The following ADAMTS17 variants were observed in gnomAD, a reference collection of about 807,000 sequenced individuals.
ADAMTS17 encodes the protein ADAM metallopeptidase with thrombospondin type 1 motif 17.
ADAMTS17 carries 113 observed loss-of-function variants against 141.5 expected under a neutral mutation model. The observed-to-expected ratio is 0.80, with a 90% CI of 0.69 to 0.93. The LOEUF (loss-of-function observed/expected upper bound fraction) is 0.93, where lower values mean the gene tolerates loss of function less well. Ranked by LOEUF, ADAMTS17 falls within the 40% of genes least tolerant of loss-of-function variation. The pLI, the probability that ADAMTS17 is intolerant of heterozygous loss-of-function variation, is 0.00. For synonymous variants in ADAMTS17, 768 were observed against 630.6 expected (o/e 1.22, Z -3.27); for missense variants, 1,659 against 1,517.9 (o/e 1.09, Z -1.54).
intron 10 of ADAMTS17, among the ~76,000 whole-genome samples, chr15:100,152,034 T>C (rs2039191516): frequency 6.6e-6 from 1 of 152,200 alleles, no homozygotes; most frequent in South Asian, 2.1e-4. Flanking sequence ...TCGGGAGCCA[T>C]GGTGAAGACT....
At chr15:100,297,011 G>C (rs552611942) in intron 3 of ADAMTS17, among the ~76,000 whole-genome samples, 1 of 152,224 alleles carries the variant, frequency 6.6e-6, no homozygotes, top group South Asian at 2.1e-4. Flanking sequence ...AATGCTATGA[G>C]AAAATATAAG....
chr15:100,268,970 A>G (rs1359389718), intron 4 of ADAMTS17, among the ~76,000 whole-genome samples: 1 of 67,086 alleles, frequency 1.5e-5, no homozygotes, highest in African/African-American at 5.5e-5. Flanking sequence ...CCCAGAAATA[A>G]TGCCACATCA....
chr15:100,290,510 C>A (rs2044593198), intron 3 of ADAMTS17, among the ~76,000 whole-genome samples: 1 of 152,046 alleles, frequency 6.6e-6, no homozygotes, highest in African/African-American at 2.4e-5. Flanking sequence ...AAAAACTATT[C>A]TAAAATTCAT....
intron 8 of ADAMTS17, among the ~76,000 whole-genome samples, chr15:100,162,878 GTA>G (rs534350499): frequency 3.1e-4 from 44 of 142,628 alleles, no homozygotes; most frequent in African/African-American, 6.4e-4. Context: ...ATAACTATAT[GTA>G]TATATATGTG....
chr15:100,287,170 C>T (rs1191301165), intron 3 of ADAMTS17, among the ~76,000 whole-genome samples: 1 of 152,132 alleles, frequency 6.6e-6, no homozygotes, highest in Non-Finnish European at 1.5e-5. Flanking sequence ...CCTGGTGACA[C>T]AGCAAGACTC....
rs146655573 is a variant in ADAMTS17 at position 100,228,530 on chromosome 15, A to T, written c.1075+25606T>A. ...CTGAAAGAGGGACTGGACCGAGGAGAAAAGGAAAACTCGAGGGTGAGAGTG... is the reference window on the plus strand; with the variant it reads ...CTGAAAGAGGGACTGGACCGAGGAGTAAAGGAAAACTCGAGGGTGAGAGTG... On this transcript the variant is annotated intron_variant, in intron 7 of 21. Transcript: ENST00000268070. Among the ~76,000 whole-genome samples, 1,078 of 152,272 alleles carry T rather than the reference A, an allele frequency of 7.1e-3. 10 individuals carry two copies. Among genetic ancestry groups the T allele is most frequent in the South Asian group, 0.031 (150 of 4,824 alleles).
At chr15:100,113,771 G>T (rs555266295) in intron 13 of ADAMTS17, among the ~76,000 whole-genome samples, 7 of 152,286 alleles carry the variant, frequency 4.6e-5, no homozygotes, top group African/African-American at 1.2e-4. Context: ...CGGAGCTGTC[G>T]TCAGAGAGTC....
intron 7 of ADAMTS17, among the ~76,000 whole-genome samples, chr15:100,213,547 CTG>C (rs1425650855): frequency 3.3e-5 from 5 of 152,306 alleles, no homozygotes; most frequent in African/African-American, 1.2e-4. Context: ...CAGAAAAGAG[CTG>C]TGTTATTTTC....
At chr15:100,231,366 A>G (rs1415722200) in intron 7 of ADAMTS17, among the ~76,000 whole-genome samples, 4 of 152,212 alleles carry the variant, frequency 2.6e-5, no homozygotes, top group African/African-American at 7.2e-5. Context: ...TCATTTCATT[A>G]AAGACAATTC....
chr15:100,071,114 C>G (rs576993036), intron 15 of ADAMTS17, among the ~76,000 whole-genome samples: 1 of 150,510 alleles, frequency 6.6e-6, no homozygotes, highest in East Asian at 1.9e-4. Flanking sequence ...CCATAAACAC[C>G]TCTATGCAAA....
intron 18 of ADAMTS17, among the ~76,000 whole-genome samples, chr15:100,019,563 T>C (rs990422): frequency 0.78 from 118,591 of 152,210 alleles, 46,964 homozygotes; most frequent in African/African-American, 0.9. Context: ...CAACTGAACA[T>C]GTGCTACCCG....
chr15:99,994,659 C>T (rs1488139876), intron 19 of ADAMTS17, among the ~76,000 whole-genome samples: 5 of 152,164 alleles, frequency 3.3e-5, no homozygotes, highest in African/African-American at 9.7e-5. Flanking sequence ...CTCCGCCTCC[C>T]GGGTTCAAGC....
intron 12 of ADAMTS17, chr15:100,128,426 C>G (rs1334234875): frequency 6.6e-6 from 1 of 152,172 alleles, no homozygotes; most frequent in Non-Finnish European, 1.5e-5. Context: ...GACGATGCTG[C>G]TGGACAACAG....
intron 7 of ADAMTS17, among the ~76,000 whole-genome samples, chr15:100,252,841 C>G (rs748214401): frequency 1.3e-5 from 2 of 152,184 alleles, no homozygotes; most frequent in Admixed American, 6.5e-5. Context: ...ATTTTGTAAA[C>G]TCTAAAATGT....
chr15:100,048,292 GGA>G (rs1475799618), intron 18 of ADAMTS17, among the ~76,000 whole-genome samples: 2 of 152,196 alleles, frequency 1.3e-5, no homozygotes, highest in African/African-American at 4.8e-5. Context: ...CTCAAAAAGA[GGA>G]GGCTTAGCTG....
At chr15:100,055,588 G>A (rs1022137690) in intron 15 of ADAMTS17, among the ~76,000 whole-genome samples, 21 of 152,136 alleles carry the variant, frequency 1.4e-4, no homozygotes, top group Admixed American at 1.4e-3. Flanking sequence ...GAGAGGCTGA[G>A]GATTATAGGA....
chr15:100,160,229 G>A (rs543048369), intron 8 of ADAMTS17, among the ~76,000 whole-genome samples: 1 of 152,316 alleles, frequency 6.6e-6, no homozygotes, highest in Non-Finnish European at 1.5e-5. Flanking sequence ...CAGGATCAGA[G>A]GCATCTCCCA....
intron 3 of ADAMTS17, chr15:100,306,329 T>A (rs192101252): frequency 3.2e-5 from 12 of 371,976 alleles, no homozygotes; most frequent in Non-Finnish European, 5.3e-5. Context: ...AGGCTGATCC[T>A]CAAAGGCAGC....
intron 3 of ADAMTS17, among the ~76,000 whole-genome samples, chr15:100,321,801 T>C (rs922170042): frequency 7.9e-5 from 12 of 152,176 alleles, no homozygotes; most frequent in Non-Finnish European, 1.5e-4. Context: ...TCCAAAATAA[T>C]GAGACTATAA....
Sources: gnomAD v4.1 joint callset for allele counts (sites outside exome capture counted in the v4.1 genomes callset) on GRCh38, gnomAD v4.1.1 for gene constraint, MANE v1.5 for transcripts, NCBI Gene and HGNC (gene_info 2026-07-23, HGNC 2026-07-21) for gene names.